Variants in RANBP2 observed in about 807,000 individuals in gnomAD.
RANBP2 encodes the protein E3 SUMO-protein ligase RanBP2.
Under a neutral mutation model 303.6 loss-of-function variants are expected in RANBP2, and 57 were observed. That is an observed-to-expected ratio of 0.19 (90% CI 0.15 to 0.23). The LOEUF (loss-of-function observed/expected upper bound fraction) is 0.23. Ranked by LOEUF, RANBP2 falls within the 10% of genes least tolerant of loss-of-function variation. The pLI is 1.00. For synonymous variants in RANBP2, 1,167 were observed against 1,301.5 expected (o/e 0.90, Z 2.23); for missense variants, 3,138 against 3,780.8 (o/e 0.83, Z 4.46).
At chr2:109,172,485 T>C in the RANBP2 span, among the ~76,000 whole-genome samples, 4 of 152,366 alleles carry the variant, frequency 2.6e-5, no homozygotes, top group African/African-American at 9.6e-5. Context: ...GTGTTTGCAG[T>C]GAAAATAGTC....
At chr2:108,856,858 C>G in the RANBP2 span, 1 of 1,613,086 alleles carries the variant, frequency 6.2e-7, no homozygotes, top group Non-Finnish European at 8.5e-7. Flanking sequence ...AAGGAAAAAC[C>G]TTGTTTTTGG....
the RANBP2 span, chr2:108,907,935 G>T: frequency 6.2e-7 from 1 of 1,613,716 alleles, no homozygotes; most frequent in Non-Finnish European, 8.5e-7. Flanking sequence ...GCTCCGGGGA[G>T]CCCTGCTTGT....
At position 108,784,054 on chromosome 2, in the gene RANBP2, G is replaced by A. The variant is rs1678447409; in HGVS notation, c.*153G>A. On this transcript the variant is annotated 3_prime_UTR_variant, in exon 29 of 29. Coordinates refer to ENST00000283195, the MANE Select transcript of RANBP2 (RefSeq NM_006267.5). ...CTTATAGCTGTTGTCACTTTTTAAT[G>A]TGTTATAATTGACCTTGCATGGTGT... 7.0e-6 allele frequency: 5 copies of A among 717,684 alleles called. No homozygotes were observed. Among genetic ancestry groups the A allele is most frequent in the Non-Finnish European group, 1.1e-5 (5 of 442,196 alleles). 44.5% of individuals were successfully genotyped at this position (717,684 alleles called of 1,614,324 possible). A position where few individuals can be genotyped will look rare whatever the true frequency, so the allele number is the denominator to read the frequency against.
chr2:108,994,304 G>A, the RANBP2 span, among the ~76,000 whole-genome samples: 1 of 152,172 alleles, frequency 6.6e-6, no homozygotes, highest in African/African-American at 2.4e-5. Context: ...GCCCTCTCCC[G>A]TGGCCTAAGC....
downstream of RANBP2, among the ~76,000 whole-genome samples, chr2:108,786,082 A>T (rs1678639418): frequency 2.0e-5 from 3 of 152,110 alleles, no homozygotes; most frequent in Non-Finnish European, 4.4e-5. Flanking sequence ...TATACTATGT[A>T]CTATGGTTAG....
At chr2:109,293,477 C>G in the RANBP2 span, among the ~76,000 whole-genome samples, 2 of 152,198 alleles carry the variant, frequency 1.3e-5, no homozygotes, top group Non-Finnish European at 2.9e-5. Flanking sequence ...TACCCTGCCC[C>G]CTTCTCTCTC....
At chr2:108,982,856 G>A in the RANBP2 span, among the ~76,000 whole-genome samples, 24 of 152,314 alleles carry the variant, frequency 1.6e-4, no homozygotes, top group African/African-American at 4.8e-4. Flanking sequence ...GGACATTGGC[G>A]GGGTTCACAG....
chr2:109,400,649 T>C, the RANBP2 span, among the ~76,000 whole-genome samples: 7 of 151,972 alleles, frequency 4.6e-5, no homozygotes, highest in East Asian at 9.7e-4. Context: ...CGTGCACACA[T>C]GTAGACATTT....
chr2:109,584,704 G>A, the RANBP2 span, among the ~76,000 whole-genome samples: 1 of 151,998 alleles, frequency 6.6e-6, no homozygotes, highest in African/African-American at 2.4e-5. Context: ...GATTAATAAT[G>A]TAACTGGCTA....
the RANBP2 span, among the ~76,000 whole-genome samples, chr2:109,059,682 TGCCA>T: frequency 6.6e-6 from 1 of 152,100 alleles, no homozygotes; most frequent in South Asian, 2.1e-4. Context: ...TGTGGCACTG[TGCCA>T]GCCCCGGGAC....
the RANBP2 span, among the ~76,000 whole-genome samples, chr2:108,905,123 A>C: frequency 6.6e-6 from 1 of 152,178 alleles, no homozygotes; most frequent in African/African-American, 2.4e-5. Context: ...GTGTTTGGGC[A>C]GATTGGGTGG....
chr2:108,873,475 C>T, the RANBP2 span: 4 of 1,602,856 alleles, frequency 2.5e-6, no homozygotes, highest in Non-Finnish European at 3.4e-6. Flanking sequence ...TTCCTGGAAG[C>T]CTGTAGCAAC....
the RANBP2 span, among the ~76,000 whole-genome samples, chr2:109,096,295 T>C: frequency 6.6e-6 from 1 of 152,238 alleles, no homozygotes. Flanking sequence ...TTCATATAAA[T>C]ATGTTATTAG....
chr2:108,777,025 C>T (rs1677937048), intron 24 of RANBP2, 105 bp from the exon 25 acceptor site: 2 of 922,714 alleles, frequency 2.2e-6, no homozygotes, highest in Non-Finnish European at 3.4e-6. Context: ...TAACTCCCCT[C>T]ATCCCAGAGT....
At chr2:109,566,553 TTGTG>T in the RANBP2 span, among the ~76,000 whole-genome samples, 2 of 151,794 alleles carry the variant, frequency 1.3e-5, no homozygotes, top group Non-Finnish European at 2.9e-5. Context: ...TTCCTATTGT[TTGTG>T]TGTGTGTGTA....
At position 108,775,401 on chromosome 2, in the gene RANBP2, G is replaced by C. The variant is rs183059859; in HGVS notation, c.8293-331G>C. ...TTTTGCTGACATTGTGCCATTGGCAGTTCCAGTTTTTTTGGGCTGCTGTAG... is the reference window on the plus strand; with the variant it reads ...TTTTGCTGACATTGTGCCATTGGCACTTCCAGTTTTTTTGGGCTGCTGTAG... On this transcript the variant is annotated intron_variant, in intron 23 of 28. Transcript: ENST00000283195. Among the ~76,000 whole-genome samples, 301 of 152,292 alleles carry C rather than the reference G, an allele frequency of 2.0e-3. 1 individual carries two copies. Among genetic ancestry groups the C allele is most frequent in the Non-Finnish European group, 2.9e-3 (199 of 68,018 alleles).
At chr2:109,202,826 A>G in the RANBP2 span, among the ~76,000 whole-genome samples, 3 of 152,194 alleles carry the variant, frequency 2.0e-5, no homozygotes, top group Non-Finnish European at 4.4e-5. Flanking sequence ...CATTCCCGGG[A>G]AAGGGCCCAA....
At chr2:109,472,501 A>G in the RANBP2 span, among the ~76,000 whole-genome samples, 1 of 152,186 alleles carries the variant, frequency 6.6e-6, no homozygotes, top group African/African-American at 2.4e-5. Flanking sequence ...GGACTTGTGG[A>G]AAGAAGAGCT....
chr2:109,570,473 C>A, the RANBP2 span, among the ~76,000 whole-genome samples: 1 of 150,844 alleles, frequency 6.6e-6, no homozygotes. Flanking sequence ...AAAAATAATA[C>A]AAATTTTAAA....
Sources: allele counts gnomAD v4.1 joint callset (sites outside exome capture counted in the v4.1 genomes callset), GRCh38; gene constraint gnomAD v4.1.1; transcripts MANE v1.5; gene names NCBI Gene and HGNC (gene_info 2026-07-23, HGNC 2026-07-21).